The following ATRNL1 variants were observed in gnomAD, a reference collection of about 807,000 sequenced individuals.
ATRNL1 encodes the protein attractin like 1, also known as attractin-like protein 1.
In ATRNL1, 95 loss-of-function variants were observed where a neutral mutation model predicts 182.7. The ratio of observed to expected loss-of-function variants is 0.52; its 90% CI spans 0.44 to 0.62. The LOEUF (loss-of-function observed/expected upper bound fraction) is 0.62, where lower values mean the gene tolerates loss of function less well. ATRNL1 is among the 20% of genes least tolerant of loss of function. ATRNL1 has a pLI of 0.00. For missense variants in ATRNL1, 1,471 were observed against 1,679.5 expected (o/e 0.88, Z 2.17); for synonymous variants, 576 against 568.3 (o/e 1.01, Z -0.19).
chr10:115,101,766 G>A (rs1424529308), intron 1 of ATRNL1, among the ~76,000 whole-genome samples: 2 of 152,058 alleles, frequency 1.3e-5, no homozygotes, highest in Admixed American at 6.5e-5. Flanking sequence ...TAGGGAATTG[G>A]CATTATTTCT....
At chr10:115,324,747 T>G (rs1854781850) in intron 18 of ATRNL1, among the ~76,000 whole-genome samples, 1 of 152,192 alleles carries the variant, frequency 6.6e-6, no homozygotes, top group South Asian at 2.1e-4. Flanking sequence ...ATAGGATCAT[T>G]TTATGAACAT....
intron 24 of ATRNL1, among the ~76,000 whole-genome samples, chr10:115,498,810 G>A (rs1849676966): frequency 6.6e-6 from 1 of 151,836 alleles, no homozygotes; most frequent in African/African-American, 2.4e-5. Flanking sequence ...AAAAATTAAT[G>A]TTTTGGGTAG....
Position 115,707,930 on chromosome 10 carries a change from C to T in ATRNL1, c.3796-19318C>T, listed in dbSNP as rs145935065. ...TTGGCAAATAGCTTTCCAGAAGGGC[C>T]AAACCAGTGGCATTCTCTTAATACT... is the stretch of plus-strand genomic sequence containing the variant. On this transcript the variant is annotated intron_variant, in intron 26 of 28. Transcript: ENST00000355044. Among the ~76,000 whole-genome samples the T allele has an allele frequency of 6.4e-4, 97 of 151,692 alleles. 3 individuals are homozygous for T. The East Asian group carries it at 0.014, about 22-fold the overall frequency.
In ATRNL1 at chr10:115,578,114, T is replaced by G. The variant is rs920338287; in HGVS notation, c.3795+28578T>G. On this transcript the variant is annotated intron_variant, in intron 26 of 28. Transcript: ENST00000355044. ...CCCAAGAATAAATTTCACTTAGTCATGGTGAATAATCTTTTTGTTGTGTTG... is the reference window on the plus strand; with the variant it reads ...CCCAAGAATAAATTTCACTTAGTCAGGGTGAATAATCTTTTTGTTGTGTTG... Among the ~76,000 whole-genome samples the G allele has an allele frequency of 2.6e-5, 4 of 151,834 alleles. No homozygotes were observed. The South Asian group carries it at 6.2e-4, about 24-fold the overall frequency.
chr10:115,617,763 G>T (rs1232230499), intron 26 of ATRNL1, among the ~76,000 whole-genome samples: 2 of 152,216 alleles, frequency 1.3e-5, no homozygotes, highest in South Asian at 4.1e-4. Context: ...ATGAGTTAAG[G>T]CATGGAGATT....
At chr10:115,094,924 G>A (rs1278968883) in intron 1 of ATRNL1, among the ~76,000 whole-genome samples, 6 of 152,122 alleles carry the variant, frequency 3.9e-5, no homozygotes, top group Non-Finnish European at 8.8e-5. Context: ...TTTTCTGATC[G>A]GTTAATTCAC....
intron 7 of ATRNL1, among the ~76,000 whole-genome samples, chr10:115,166,482 A>G (rs567547715): frequency 1.1e-4 from 17 of 151,396 alleles, no homozygotes; most frequent in South Asian, 4.2e-4. Context: ...TAGCACTGCC[A>G]TAGTGTTTTC....
chr10:115,903,415 C>G (rs1166508200), intron 28 of ATRNL1, among the ~76,000 whole-genome samples: 2 of 152,146 alleles, frequency 1.3e-5, no homozygotes, highest in African/African-American at 4.8e-5. Flanking sequence ...TCTCCCTCCC[C>G]CTGTCTGGTT....
chr10:115,330,106 A>G (rs1276136624), intron 18 of ATRNL1, among the ~76,000 whole-genome samples: 2 of 152,096 alleles, frequency 1.3e-5, no homozygotes, highest in Non-Finnish European at 2.9e-5. Context: ...TTAAAAGGCT[A>G]TTTTGAATTG....
Position 115,528,473 on chromosome 10 carries a change from C to T in ATRNL1, c.3716+9149C>T, listed in dbSNP as rs190598031. Reference sequence around the variant, plus strand: ...TTCTGCAGAATTGGCAGTAATGACCCGACTTTTCATTTCTAAATTTTGTAA... The same window carrying T: ...TTCTGCAGAATTGGCAGTAATGACCTGACTTTTCATTTCTAAATTTTGTAA... On this transcript the variant is annotated intron_variant, in intron 25 of 28. Transcript: ENST00000355044. 1.5e-4 allele frequency among the ~76,000 whole-genome samples: 23 copies of T among 151,980 alleles called. No homozygotes were observed. The East Asian group carries it at 3.9e-3, about 26-fold the overall frequency.
At chr10:115,874,335 A>G (rs1430074118) in intron 28 of ATRNL1, among the ~76,000 whole-genome samples, 1 of 152,204 alleles carries the variant, frequency 6.6e-6, no homozygotes, top group Non-Finnish European at 1.5e-5. Flanking sequence ...CACACTGACC[A>G]ATACTAATTG....
chr10:115,186,907 A>G (rs1336453469), intron 8 of ATRNL1, among the ~76,000 whole-genome samples: 2 of 152,140 alleles, frequency 1.3e-5, no homozygotes, highest in African/African-American at 4.8e-5. Flanking sequence ...GTTTCAAAAT[A>G]TCTCATGTAA....
rs930221731 is a variant in ATRNL1, at chr10:115,948,138, C to T, written c.*3359C>T. 2.6e-5 allele frequency: 4 copies of T among 152,158 alleles called. No individual in the cohort carries two copies. Among genetic ancestry groups the T allele is most frequent in the African/African-American group, 7.2e-5 (3 of 41,436 alleles). 9.4% of individuals were successfully genotyped at this position (152,158 alleles called of 1,614,324 possible). A position where few individuals can be genotyped will look rare whatever the true frequency, so the allele number is the denominator to read the frequency against. Reference sequence around the variant, plus strand: ...CTAAGATATAGGGATTTCTACAAAACGACTTTGACATTTAGTCAATAAAGA... The same window carrying T: ...CTAAGATATAGGGATTTCTACAAAATGACTTTGACATTTAGTCAATAAAGA... On this transcript the variant is annotated 3_prime_UTR_variant, in exon 29 of 29. Coordinates refer to ENST00000355044, the MANE Select transcript of ATRNL1 (RefSeq NM_207303.4).
intron 24 of ATRNL1, among the ~76,000 whole-genome samples, chr10:115,489,519 T>G (rs1424047189): frequency 2.0e-5 from 3 of 152,198 alleles, no homozygotes; most frequent in Non-Finnish European, 2.9e-5. Context: ...TGGTTTAAAG[T>G]CTGTTTTATC....
intron 26 of ATRNL1, among the ~76,000 whole-genome samples, chr10:115,578,792 T>A (rs1854886906): frequency 1.3e-5 from 2 of 151,692 alleles, no homozygotes; most frequent in Admixed American, 1.3e-4. Context: ...TTGTTCTTTT[T>A]CTAGTTTCTT....
chr10:115,117,722 T>G (rs1844554464), intron 1 of ATRNL1, among the ~76,000 whole-genome samples: 1 of 152,042 alleles, frequency 6.6e-6, no homozygotes, highest in South Asian at 2.1e-4. Flanking sequence ...TACCCAACAG[T>G]GGGATTGCTG....
chr10:115,647,793 T>A (rs1593004379), intron 26 of ATRNL1, among the ~76,000 whole-genome samples: 1 of 152,196 alleles, frequency 6.6e-6, no homozygotes, highest in East Asian at 1.9e-4. Context: ...CTGCAGAAGT[T>A]CTTTAATTAG....
intron 8 of ATRNL1, among the ~76,000 whole-genome samples, chr10:115,179,501 C>G (rs115517332): frequency 0.012 from 1,772 of 152,196 alleles, 34 homozygotes; most frequent in African/African-American, 0.039. Flanking sequence ...TGTGGTAGGT[C>G]TCAGGATATT....
chr10:115,416,061 C>A (rs1201159630), intron 20 of ATRNL1, among the ~76,000 whole-genome samples: 1 of 152,024 alleles, frequency 6.6e-6, no homozygotes, highest in Admixed American at 6.6e-5. Flanking sequence ...GCATTGAGAT[C>A]AACTTTTCTA....
Sources: allele counts gnomAD v4.1 joint callset (sites outside exome capture counted in the v4.1 genomes callset), GRCh38; gene constraint gnomAD v4.1.1; transcripts MANE v1.5; gene names NCBI Gene and HGNC (gene_info 2026-07-23, HGNC 2026-07-21).